The following ADAMTS2 variants were observed in gnomAD, a reference collection of about 807,000 sequenced individuals.
ADAMTS2 encodes ADAM metallopeptidase with thrombospondin type 1 motif 2.
ADAMTS2 carries 50 observed loss-of-function variants against 123.0 expected under a neutral mutation model. The observed-to-expected ratio is 0.41, with a 90% CI of 0.32 to 0.51. The LOEUF is 0.51. Ranked by LOEUF, ADAMTS2 falls within the 20% of genes least tolerant of loss-of-function variation. ADAMTS2 has a pLI of 0.35. For synonymous variants in ADAMTS2, 678 were observed against 695.4 expected (o/e 0.98, Z 0.39); for missense variants, 1,494 against 1,705.2 (o/e 0.88, Z 2.18).
Position 179,234,558 on chromosome 5 carries a change from G to C in ADAMTS2, c.689-26843C>G, listed in dbSNP as rs967986960. Among the ~76,000 whole-genome samples the C allele has an allele frequency of 8.1e-6, 1 of 124,018 alleles. No homozygotes were observed. Among genetic ancestry groups the C allele is most frequent in the Non-Finnish European group, 1.7e-5 (1 of 57,920 alleles). The allele number at this position is 124,018 out of a possible 152,430, so 81.4% of individuals were successfully genotyped here. On this transcript the variant is annotated intron_variant, in intron 3 of 21. Transcript: ENST00000251582. This position sits in a 1 kb window ranked among gnomAD's most constrained non-coding sequence, Gnocchi z 4.7. ...TGCACCTCCCCAGGCTCCAGACCCC[G>C]CCCCCTGCTGCCTGCAACTGCCCCT...
Position 179,111,926 on chromosome 5 carries a change from G to A in ADAMTS2, c.*1941C>T, listed in dbSNP as rs886060485. 1 of 152,310 alleles carries A rather than the reference G, an allele frequency of 6.6e-6. No homozygotes were observed. Among genetic ancestry groups the A allele is most frequent in the East Asian group, 1.9e-4 (1 of 5,192 alleles). 9.4% of individuals were successfully genotyped at this position (152,310 alleles called of 1,614,324 possible). A position where few individuals can be genotyped will look rare whatever the true frequency, so the allele number is the denominator to read the frequency against. On this transcript the variant is annotated 3_prime_UTR_variant, in exon 22 of 22. Transcript: ENST00000251582. ...GGTACTATGAGAGATACTCAGAAAG[G>A]TTTTCTCCAGTTTGGTTCTCCAGGA...
chr5:179,250,950 G>T (rs1435825028), intron 3 of ADAMTS2, among the ~76,000 whole-genome samples: 1 of 152,214 alleles, frequency 6.6e-6, no homozygotes, highest in African/African-American at 2.4e-5. Context: ...CAGGAGAGAA[G>T]TCCAGAGATC....
intron 17 of ADAMTS2, among the ~76,000 whole-genome samples, chr5:179,127,140 G>A (rs1010649874): frequency 6.6e-6 from 1 of 152,192 alleles, no homozygotes; most frequent in East Asian, 1.9e-4. Flanking sequence ...GACACACAAG[G>A]GCCAGTCCAG....
chr5:179,201,962 C>A (rs1044143449), intron 4 of ADAMTS2, among the ~76,000 whole-genome samples: 2 of 152,180 alleles, frequency 1.3e-5, no homozygotes, highest in East Asian at 3.8e-4. Flanking sequence ...ACCAAAGAGC[C>A]CCTTTCTGTG....
intron 18 of ADAMTS2, among the ~76,000 whole-genome samples, chr5:179,125,498 G>A (rs896753574): frequency 2.6e-5 from 4 of 152,144 alleles, no homozygotes; most frequent in African/African-American, 9.7e-5. Flanking sequence ...TTAGGGTCTG[G>A]GCCCTGCTAC....
At chr5:179,208,141 C>G (rs1764757458) in intron 3 of ADAMTS2, among the ~76,000 whole-genome samples, 2 of 101,584 alleles carry the variant, frequency 2.0e-5, no homozygotes, top group Admixed American at 8.4e-5. Context: ...GTGGGCAGAG[C>G]CACCCCTTGC....
intron 2 of ADAMTS2, among the ~76,000 whole-genome samples, chr5:179,310,947 C>A (rs173558): frequency 0.2 from 30,549 of 151,958 alleles, 3,812 homozygotes; most frequent in Middle Eastern, 0.29. Flanking sequence ...CCCTGCCTGC[C>A]CCAACCCACT....
Position 179,272,829 on chromosome 5 carries a change from G to T in ADAMTS2, c.688+82C>A, listed in dbSNP as rs1346688728. 2.0e-6 allele frequency: 3 copies of T among 1,530,972 alleles called. No homozygotes were observed. The highest frequency in any genetic ancestry group is 1.8e-5 in the Admixed American group (1 of 54,766). 94.8% of individuals were successfully genotyped at this position (1,530,972 alleles called of 1,614,324 possible). On this transcript the variant is annotated intron_variant, in intron 3 of 21. Coordinates refer to ENST00000251582, the MANE Select transcript of ADAMTS2 (RefSeq NM_014244.5). This position sits in a 1 kb window ranked among gnomAD's most constrained non-coding sequence, Gnocchi z 5.8. ...CAGCCAAGCTGGTCTGTGGAGAGCT[G>T]CCTGAGTCTCTGGGATGCTCCCCTG... is the stretch of plus-strand genomic sequence containing the variant.
rs1765249955 is a variant in ADAMTS2, at chr5:179,225,114, C to T, written c.689-17399G>A. 6.6e-6 allele frequency among the ~76,000 whole-genome samples: 1 copy of T among 152,194 alleles called. No individual in the cohort carries two copies. The highest frequency in any genetic ancestry group is 1.5e-5 in the Non-Finnish European group (1 of 68,038). The stretch of plus-strand genomic sequence containing the variant: ...TCCTCACGCAGGGGCCTGAGGAACA[C>T]TCCCTGGTTATCCACACGGCAACTA... On this transcript the variant is annotated intron_variant, in intron 3 of 21. Transcript: ENST00000251582. This position sits in a 1 kb window ranked among gnomAD's most constrained non-coding sequence, Gnocchi z 4.5.
chr5:179,132,355 G>T lies in ADAMTS2; in HGVS notation c.2210-45C>A, dbSNP rs767196831. 8 of 1,586,454 alleles carry T rather than the reference G, an allele frequency of 5.0e-6. No individual in the cohort carries two copies. The highest frequency in any genetic ancestry group is 6.9e-6 in the Non-Finnish European group (8 of 1,156,480). The stretch of plus-strand genomic sequence containing the variant: ...ACACAGAAAACTGAGAAGGGAAGGC[G>T]CCGCTCAAATTCGCACCATGCAAGG... On this transcript the variant is annotated intron_variant, in intron 14 of 21. Coordinates refer to ENST00000251582, the MANE Select transcript of ADAMTS2 (RefSeq NM_014244.5). The surrounding 1 kb of genome is among the most constrained non-coding windows in gnomAD (Gnocchi z 6.1).
rs59845470 is a variant in ADAMTS2, at chr5:179,189,564, A to G, written c.892-8409T>C. Among the ~76,000 whole-genome samples, 7,984 of 111,846 alleles carry G rather than the reference A, an allele frequency of 0.071. 275 individuals are homozygous for G. Among genetic ancestry groups the G allele is most frequent in the Middle Eastern group, 0.15 (20 of 130 alleles). 73.4% of individuals were successfully genotyped at this position (111,846 alleles called of 152,430 possible). ...AGTAGAGGCAGGGTTTCACAATGTT[A>G]GCCAGGATGGTCTTGATCTCCTGAC... is the stretch of plus-strand genomic sequence containing the variant. On this transcript the variant is annotated intron_variant, in intron 4 of 21. Transcript: ENST00000251582. This position sits in a 1 kb window ranked among gnomAD's most constrained non-coding sequence, Gnocchi z 4.2.
In ADAMTS2 at chr5:179,181,229, C is replaced by T. The variant is rs550623207; in HGVS notation, c.892-74G>A. The T allele has an allele frequency of 1.0e-5, 11 of 1,060,572 alleles. No individual in the cohort carries two copies. The highest frequency in any genetic ancestry group is 1.6e-5 in the Non-Finnish European group (11 of 679,786). The allele number at this position is 1,060,572 out of a possible 1,614,324, so 65.7% of individuals were successfully genotyped here. A position where few individuals can be genotyped will look rare whatever the true frequency, so the allele number is the denominator to read the frequency against. On this transcript the variant is annotated intron_variant, in intron 4 of 21. Transcript: ENST00000251582. This position sits in a 1 kb window ranked among gnomAD's most constrained non-coding sequence, Gnocchi z 4.1. Reference sequence around the variant, plus strand: ...GCTCTGGCTCTGCCAATGGGATGACCCCCACCTGCTCCTTCTTCTTCCCAT... The same window carrying T: ...GCTCTGGCTCTGCCAATGGGATGACTCCCACCTGCTCCTTCTTCTTCCCAT...
intron 3 of ADAMTS2, among the ~76,000 whole-genome samples, chr5:179,210,255 C>A (rs1764819078): frequency 6.6e-6 from 1 of 152,202 alleles, no homozygotes; most frequent in Admixed American, 6.5e-5. Context: ...GCCCTAACCC[C>A]AGAGTCCCCA....
chr5:179,280,114 T>G (rs10053515), intron 2 of ADAMTS2, among the ~76,000 whole-genome samples: 52,192 of 152,130 alleles, frequency 0.34, 9,496 homozygotes, highest in Non-Finnish European at 0.38. Flanking sequence ...CAGAACCTGA[T>G]GACTTTGCTT....
Position 179,118,054 on chromosome 5 carries a change from TC to T in ADAMTS2, c.3178+3606del, listed in dbSNP as rs775305895. Among the ~76,000 whole-genome samples, 1 of 151,930 alleles carries T rather than the reference TC, an allele frequency of 6.6e-6. No homozygotes were observed. The highest frequency in any genetic ancestry group is 1.5e-5 in the Non-Finnish European group (1 of 67,980). On this transcript the variant is annotated intron_variant, in intron 21 of 21. Coordinates refer to ENST00000251582, the MANE Select transcript of ADAMTS2 (RefSeq NM_014244.5). This position sits in a 1 kb window ranked among gnomAD's most constrained non-coding sequence, Gnocchi z 4.5. ...TGAGGGGTGGCAGCCCCAGGTGGGG[TC>T]CCCCTTCCACCTGGTCTACATACTG...
At chr5:179,161,135 G>A (rs1763584525) in intron 5 of ADAMTS2, among the ~76,000 whole-genome samples, 1 of 152,162 alleles carries the variant, frequency 6.6e-6, no homozygotes, top group African/African-American at 2.4e-5. Context: ...GAAGGGAGTG[G>A]GTATCTGCAT....
chr5:179,209,260 G>A (rs373437573), intron 3 of ADAMTS2, among the ~76,000 whole-genome samples: 29 of 152,216 alleles, frequency 1.9e-4, no homozygotes, highest in Non-Finnish European at 2.9e-4. Context: ...GCCGACTCTC[G>A]GCCAGAAGCT....
At chr5:179,341,901 C>T (rs755370179) in intron 2 of ADAMTS2, among the ~76,000 whole-genome samples, 1 of 152,110 alleles carries the variant, frequency 6.6e-6, no homozygotes, top group African/African-American at 2.4e-5. Context: ...CCAATCCACA[C>T]CTGGTACCTC....
intron 3 of ADAMTS2, among the ~76,000 whole-genome samples, chr5:179,230,737 G>A (rs1037865321): frequency 9.9e-5 from 15 of 152,206 alleles, no homozygotes; most frequent in African/African-American, 2.2e-4. Context: ...CAAGGCCTGC[G>A]CAGTGGCTCA....
Sources: gnomAD v4.1 joint callset for allele counts (sites outside exome capture counted in the v4.1 genomes callset) on GRCh38, gnomAD v4.1.1 for gene constraint, Gnocchi (gnomAD v3.1) non-coding constraint, MANE v1.5 for transcripts, NCBI Gene and HGNC (gene_info 2026-07-23, HGNC 2026-07-21) for gene names.